DENND11: variants seen among roughly 807,000 people sequenced by gnomAD.
The protein encoded by DENND11 is DENN domain containing 11, also known as DENN domain-containing protein 11.
DENND11 carries 34 observed loss-of-function variants against 49.2 expected under a neutral mutation model. That is an observed-to-expected ratio of 0.69 (90% confidence interval 0.53 to 0.92). The LOEUF (loss-of-function observed/expected upper bound fraction) is 0.92, where lower values mean the gene tolerates loss of function less well. Ranked by LOEUF, DENND11 falls within the 40% of genes least tolerant of loss-of-function variation. The pLI, the probability that DENND11 is intolerant of heterozygous loss-of-function variation, is 0.00. For synonymous variants in DENND11, 238 were observed against 230.3 expected (o/e 1.03, Z -0.30); for missense variants, 475 against 581.6 (o/e 0.82, Z 1.88).
chr7:141,683,942 T>G (rs1798189875), intron 3 of DENND11, among the ~76,000 whole-genome samples: 1 of 152,220 alleles, frequency 6.6e-6, no homozygotes, highest in Non-Finnish European at 1.5e-5. Flanking sequence ...ATTTTTTTAT[T>G]TTTTAAACAG....
intron 3 of DENND11, among the ~76,000 whole-genome samples, chr7:141,675,806 A>T (rs765438616): frequency 9.9e-5 from 15 of 151,840 alleles, no homozygotes; most frequent in Non-Finnish European, 1.0e-4. Flanking sequence ...AATCATCACT[A>T]TATTCATATA....
chr7:141,677,505 A>ATATATATATATATG (rs1798081287), intron 3 of DENND11, among the ~76,000 whole-genome samples: 3 of 114,810 alleles, frequency 2.6e-5, no homozygotes, highest in African/African-American at 1.1e-4. Flanking sequence ...GTGTGTGTGT[A>ATATATATATATATG]TATATATATA....
rs189373866 is a variant in DENND11, at chr7:141,695,329, A to C, written c.268+6557T>G. Among the ~76,000 whole-genome samples, 406 of 152,316 alleles carry C rather than the reference A, an allele frequency of 2.7e-3. 1 individual carries two copies. Among genetic ancestry groups the C allele is most frequent in the African/African-American group, 9.4e-3 (391 of 41,554 alleles). The stretch of plus-strand genomic sequence containing the variant: ...CTTTTCAAAACATTTCAACTTACAA[A>C]TTGGGGAAAATAATTGAAATAATAG... On this transcript the variant is annotated intron_variant, in intron 1 of 8. Transcript: ENST00000536163.
At chr7:141,697,211 C>T (rs895311144) in intron 1 of DENND11, among the ~76,000 whole-genome samples, 1 of 152,174 alleles carries the variant, frequency 6.6e-6, no homozygotes, top group Non-Finnish European at 1.5e-5. Flanking sequence ...GTCACTGAAA[C>T]ATGTGGCACA....
At chr7:141,670,765 A>C (rs1222021602) in intron 4 of DENND11, among the ~76,000 whole-genome samples, 1 of 152,234 alleles carries the variant, frequency 6.6e-6, no homozygotes, top group Non-Finnish European at 1.5e-5. Context: ...GCCAGCATTA[A>C]ATGCACTTTT....
Position 141,701,997 on chromosome 7 carries a change from C to A in DENND11, c.157G>T (p.Glu53Ter). 1 of 1,137,162 alleles carries A rather than the reference C, an allele frequency of 8.8e-7. No homozygotes were observed. The highest frequency in any genetic ancestry group is 1.1e-6 in the Non-Finnish European group (1 of 927,824). The allele number at this position is 1,137,162 out of a possible 1,614,324, so 70.4% of individuals were successfully genotyped here. A position where few individuals can be genotyped will look rare whatever the true frequency, so the allele number is the denominator to read the frequency against. Residue 53 changes from glutamate (E) to a stop codon, truncating the protein, a stop_gained, in exon 1 of 9, where the codon GAG becomes TAG. Coordinates refer to ENST00000536163, the MANE Select transcript of DENND11 (RefSeq NM_001080392.2). LOFTEE classifies it high-confidence loss of function. The part of the protein sequence containing the change: ...AAEPPRRREP[E>*]EPAAPEVLLQ... ...AGCACCTCCGGGGCGGCCGGCTCCT[C>A]GGGCTCCCGCCTCCGGGGCGGCTCC...
chr7:141,690,571 C>T (rs73171616), intron 1 of DENND11, among the ~76,000 whole-genome samples: 13,014 of 152,194 alleles, frequency 0.086, 805 homozygotes, highest in South Asian at 0.32. Context: ...CCTAGTTTTT[C>T]GGTTCCTCTG....
At chr7:141,685,011 C>G (rs1433352263) in intron 3 of DENND11, among the ~76,000 whole-genome samples, 1 of 19,846 alleles carries the variant, frequency 5.0e-5, no homozygotes, top group Non-Finnish European at 1.0e-4. Context: ...CCTGTCTCTA[C>G]CAAAAAAAAA....
intron 4 of DENND11, among the ~76,000 whole-genome samples, chr7:141,671,634 T>C (rs565813047): frequency 6.6e-6 from 1 of 152,368 alleles, no homozygotes; most frequent in East Asian, 1.9e-4. Context: ...CATTTTCTTT[T>C]TTCTCTCTTA....
chr7:141,695,356 A>T (rs990797194), intron 1 of DENND11, among the ~76,000 whole-genome samples: 14 of 152,226 alleles, frequency 9.2e-5, no homozygotes, highest in African/African-American at 2.9e-4. Flanking sequence ...AAATAATAGC[A>T]ATGTGAAAAA....
At chr7:141,694,688 T>C (rs184833980) in intron 1 of DENND11, among the ~76,000 whole-genome samples, 3 of 152,374 alleles carry the variant, frequency 2.0e-5, no homozygotes, top group Non-Finnish European at 2.9e-5. Flanking sequence ...ATAATGCTTG[T>C]TGAATCTGTT....
In DENND11 at chr7:141,671,405, G is replaced by A. The variant is rs183917918; in HGVS notation, c.681+2662C>T. Reference sequence around the variant, plus strand: ...TTGGCCAGGCTGGTCTCAAACTCTCGACCTCAAGTGATCTGCCCGCCTTGG... The same window carrying A: ...TTGGCCAGGCTGGTCTCAAACTCTCAACCTCAAGTGATCTGCCCGCCTTGG... On this transcript the variant is annotated intron_variant, in intron 4 of 8. Transcript: ENST00000536163. Among the ~76,000 whole-genome samples, 608 of 152,282 alleles carry A rather than the reference G, an allele frequency of 4.0e-3. 4 individuals are homozygous for A. The highest frequency in any genetic ancestry group is 0.014 in the African/African-American group (565 of 41,546).
Position 141,658,091 on chromosome 7 carries a change from GGTCTCA to G in DENND11, c.*4559_*4564del, listed in dbSNP as rs1480467303. On this transcript the variant is annotated 3_prime_UTR_variant, in exon 9 of 9. Transcript: ENST00000536163. ...TATTTACATAGTAAAACTTCTATGG[GGTCTCA>G]GCCACCACCAAATTACAAAACTGCC... 5 of 151,870 alleles carry G rather than the reference GGTCTCA, an allele frequency of 3.3e-5. No homozygotes were observed. Among genetic ancestry groups the G allele is most frequent in the Non-Finnish European group, 7.4e-5 (5 of 67,956 alleles). The allele number at this position is 151,870 out of a possible 1,614,324, so 9.4% of individuals were successfully genotyped here. A position where few individuals can be genotyped will look rare whatever the true frequency, so the allele number is the denominator to read the frequency against.
Position 141,659,944 on chromosome 7 carries a change from A to G in DENND11, c.*2712T>C, listed in dbSNP as rs1161085585. ...AAGACTGGCAGAAAAGCAGGTCCAC[A>G]TGGCTCCTAGCTTCTGCTGCCACTG... On this transcript the variant is annotated 3_prime_UTR_variant, in exon 9 of 9. Coordinates refer to ENST00000536163, the MANE Select transcript of DENND11 (RefSeq NM_001080392.2). 6.6e-6 allele frequency: 1 copy of G among 152,248 alleles called. No individual in the cohort carries two copies. Among genetic ancestry groups the G allele is most frequent in the Non-Finnish European group, 1.5e-5 (1 of 68,048 alleles). 9.4% of individuals were successfully genotyped at this position (152,248 alleles called of 1,614,324 possible).
At chr7:141,690,747 A>C (rs910786157) in intron 1 of DENND11, among the ~76,000 whole-genome samples, 4 of 152,212 alleles carry the variant, frequency 2.6e-5, no homozygotes, top group African/African-American at 7.2e-5. Context: ...AAAGAAAACA[A>C]AATTTTGTGA....
chr7:141,677,015 A>G (rs1798068409), intron 3 of DENND11, among the ~76,000 whole-genome samples: 1 of 152,230 alleles, frequency 6.6e-6, no homozygotes, highest in South Asian at 2.1e-4. Context: ...GGCCATGCAG[A>G]TGCCCAGTGC....
intron 2 of DENND11, 59 bp downstream of exon 2, chr7:141,686,500 G>T: frequency 9.1e-7 from 1 of 1,093,642 alleles, no homozygotes; most frequent in Non-Finnish European, 1.4e-6. Context: ...TTCAGCTTTG[G>T]GGAAAGTGTG....
At chr7:141,683,367 T>C (rs1035711115) in intron 3 of DENND11, among the ~76,000 whole-genome samples, 3 of 152,076 alleles carry the variant, frequency 2.0e-5, no homozygotes, top group Non-Finnish European at 4.4e-5. Context: ...CAGGCCAGGC[T>C]CAGTGGCTCA....
At chr7:141,686,936 A>G (rs571043923) in intron 1 of DENND11, among the ~76,000 whole-genome samples, 110 of 151,902 alleles carry the variant, frequency 7.2e-4, no homozygotes, top group Middle Eastern at 6.8e-3. Flanking sequence ...CTGCTCAACC[A>G]CTTCCAAATC....
Sources: gnomAD v4.1 joint callset for allele counts (sites outside exome capture counted in the v4.1 genomes callset) on GRCh38, gnomAD v4.1.1 for gene constraint, MANE v1.5 for transcripts, NCBI Gene and HGNC (gene_info 2026-07-23, HGNC 2026-07-21) for gene names.